RANBP2: variants seen among roughly 807,000 people sequenced by gnomAD.
RANBP2 encodes the protein RAN binding protein 2.
A neutral mutation model predicts 303.6 loss-of-function variants in RANBP2; 57 were observed. The observed-to-expected ratio is 0.19, with a 90% CI of 0.15 to 0.23. The LOEUF is 0.23. RANBP2 is among the 10% of genes least tolerant of loss of function. The pLI is 1.00. For synonymous variants in RANBP2, 1,167 were observed against 1,301.5 expected, an observed-to-expected ratio of 0.90 and a Z score of 2.23; for missense variants, 3,138 against 3,780.8, an observed-to-expected ratio of 0.83 and a Z score of 4.46.
chr2:108,910,598 C>CA, the RANBP2 span: 3 of 1,453,664 alleles, frequency 2.1e-6, no homozygotes, highest in Non-Finnish European at 2.9e-6. Context: ...GCGCTCAGCC[C>CA]AACCCTGCTC....
the RANBP2 span, among the ~76,000 whole-genome samples, chr2:108,910,057 C>T: frequency 6.6e-6 from 1 of 152,228 alleles, no homozygotes; most frequent in East Asian, 1.9e-4. Flanking sequence ...CCGTCATCAC[C>T]ACGGTTGTTA....
the RANBP2 span, among the ~76,000 whole-genome samples, chr2:109,524,768 A>C: frequency 6.6e-6 from 1 of 151,882 alleles, no homozygotes; most frequent in Non-Finnish European, 1.5e-5. Flanking sequence ...ATAAATAAAT[A>C]AAAATTAAAA....
chr2:109,417,181 AGATGCCTGG>A, the RANBP2 span, among the ~76,000 whole-genome samples: 1 of 152,188 alleles, frequency 6.6e-6, no homozygotes, highest in South Asian at 2.1e-4. Context: ...TCCTCTGCGC[AGATGCCTGG>A]GGCTGGGAGG....
chr2:109,766,698 A>T, the RANBP2 span, among the ~76,000 whole-genome samples: 1 of 124,524 alleles, frequency 8.0e-6, no homozygotes, highest in Non-Finnish European at 1.6e-5. Context: ...AATACAGATT[A>T]ATAGGCAAAT....
the RANBP2 span, among the ~76,000 whole-genome samples, chr2:109,161,441 T>A: frequency 6.6e-6 from 1 of 151,232 alleles, no homozygotes; most frequent in Admixed American, 6.6e-5. Context: ...TTCCTGATGG[T>A]CTGTTCTTCC....
the RANBP2 span, chr2:109,130,255 C>A: frequency 1.2e-6 from 1 of 836,924 alleles, no homozygotes; most frequent in Non-Finnish European, 1.6e-6. Context: ...CTTCCTCCAA[C>A]TTCGCTTGCT....
At chr2:109,570,471 T>C in the RANBP2 span, among the ~76,000 whole-genome samples, 10 of 151,506 alleles carry the variant, frequency 6.6e-5, no homozygotes, top group Admixed American at 2.6e-4. Flanking sequence ...AGAAAAATAA[T>C]ACAAATTTTA....
chr2:108,994,784 G>C, the RANBP2 span, among the ~76,000 whole-genome samples: 1 of 137,650 alleles, frequency 7.3e-6, no homozygotes, highest in Non-Finnish European at 1.6e-5. Context: ...AAAATTATCT[G>C]TGCATTGGGT....
chr2:108,845,236 A>G, the RANBP2 span, among the ~76,000 whole-genome samples: 1 of 152,190 alleles, frequency 6.6e-6, no homozygotes, highest in Non-Finnish European at 1.5e-5. Flanking sequence ...CTAATAATAT[A>G]AAAATTGTAC....
the RANBP2 span, among the ~76,000 whole-genome samples, chr2:109,249,179 G>C: frequency 1.3e-5 from 2 of 151,980 alleles, no homozygotes; most frequent in Non-Finnish European, 1.5e-5. Flanking sequence ...ACCACACCTG[G>C]CCAAGAACTA....
the RANBP2 span, among the ~76,000 whole-genome samples, chr2:109,056,471 C>T: frequency 6.6e-5 from 10 of 152,224 alleles, no homozygotes; most frequent in South Asian, 2.1e-4. Flanking sequence ...ACCTGGCCAG[C>T]TTATAGTCTT....
chr2:108,884,079 A>G, the RANBP2 span: 1 of 152,254 alleles, frequency 6.6e-6, no homozygotes, highest in Non-Finnish European at 1.5e-5. Context: ...AATTTTTAAA[A>G]TATTTGTAGA....
chr2:109,643,152 A>G, the RANBP2 span, among the ~76,000 whole-genome samples: 1 of 151,958 alleles, frequency 6.6e-6, no homozygotes, highest in African/African-American at 2.4e-5. Context: ...ACTGCATTCT[A>G]GCATTCCAGC....
the RANBP2 span, among the ~76,000 whole-genome samples, chr2:109,070,331 A>G: frequency 6.6e-6 from 1 of 152,228 alleles, no homozygotes; most frequent in African/African-American, 2.4e-5. Flanking sequence ...GCACTGATTT[A>G]CCTTATGAAA....
chr2:109,008,906 A>AAAAAGAAAAG, the RANBP2 span, among the ~76,000 whole-genome samples: 12 of 150,888 alleles, frequency 8.0e-5, no homozygotes, highest in African/African-American at 2.7e-4. Flanking sequence ...CTCAAAAAAA[A>AAAAAGAAAAG]AAAAGAAAAG....
chr2:109,446,761 C>T, the RANBP2 span, among the ~76,000 whole-genome samples: 1 of 114,216 alleles, frequency 8.8e-6, no homozygotes. Context: ...TGCTGGAACA[C>T]ACTCCCTCTC....
the RANBP2 span, chr2:109,546,318 G>T: frequency 1.1e-6 from 1 of 870,206 alleles, no homozygotes; most frequent in South Asian, 2.1e-5. Flanking sequence ...CACAAAGGCG[G>T]ACCCCATAGC....
At chr2:109,314,271 G>C in the RANBP2 span, among the ~76,000 whole-genome samples, 4 of 152,204 alleles carry the variant, frequency 2.6e-5, no homozygotes, top group Non-Finnish European at 4.4e-5. Flanking sequence ...CTTGGCATAT[G>C]TTTTAGGAGA....
At chr2:109,171,106 T>C in the RANBP2 span, among the ~76,000 whole-genome samples, 1 of 152,228 alleles carries the variant, frequency 6.6e-6, no homozygotes, top group Non-Finnish European at 1.5e-5. Context: ...GTGTGACTTA[T>C]CTCTTCCTCA....
Sources: gnomAD v4.1 joint callset for allele counts (sites outside exome capture counted in the v4.1 genomes callset) on GRCh38, gnomAD v4.1.1 for gene constraint, MANE v1.5 for transcripts, NCBI Gene and HGNC (gene_info 2026-07-23, HGNC 2026-07-21) for gene names.